Variants in GRM7 observed in about 807,000 individuals in gnomAD.
GRM7 encodes metabotropic glutamate receptor 7.
Under a neutral mutation model 84.5 loss-of-function variants are expected in GRM7, and 35 were observed. That is an observed-to-expected ratio of 0.41 (90% CI 0.32 to 0.55). The LOEUF is 0.55. GRM7 is among the 20% of genes least tolerant of loss of function. The pLI is 0.19. For synonymous variants in GRM7, 487 were observed against 455.1 expected (o/e 1.07, Z -0.89); for missense variants, 1,003 against 1,194.6 (o/e 0.84, Z 2.36).
intron 7 of GRM7, among the ~76,000 whole-genome samples, chr3:7,494,313 G>C (rs1182490716): frequency 6.6e-6 from 1 of 152,112 alleles, no homozygotes; most frequent in Non-Finnish European, 1.5e-5. Flanking sequence ...AGCCTGTGTG[G>C]TTTCAATGAG....
intron 1 of GRM7, among the ~76,000 whole-genome samples, chr3:6,898,915 A>C (rs1043680350): frequency 1.3e-5 from 2 of 152,096 alleles, no homozygotes; most frequent in African/African-American, 4.8e-5. Flanking sequence ...TGGTATTGCC[A>C]CAGTAGAGTA....
At position 7,504,206 on chromosome 3, in the gene GRM7, A is replaced by C. The variant is rs182795949; in HGVS notation, c.1515+42484A>C. On this transcript the variant is annotated intron_variant, in intron 7 of 9. Transcript: ENST00000357716. ...AGGATTTTATTATCACAAGTGACTG[A>C]GAAGAACGAGAATAAGGAGAGACCA... is the stretch of plus-strand genomic sequence containing the variant. 1.4e-4 allele frequency among the ~76,000 whole-genome samples: 22 copies of C among 152,334 alleles called. No homozygotes were observed. The South Asian group carries it at 2.1e-3, about 14-fold the overall frequency.
At chr3:7,386,413 T>C (rs1226997468) in intron 4 of GRM7, among the ~76,000 whole-genome samples, 2 of 152,190 alleles carry the variant, frequency 1.3e-5, no homozygotes, top group East Asian at 1.9e-4. Context: ...TGTTCAACCC[T>C]TGTCCCATTT....
intron 4 of GRM7, among the ~76,000 whole-genome samples, chr3:7,368,845 G>A (rs900918547): frequency 3.3e-5 from 5 of 152,028 alleles, no homozygotes; most frequent in East Asian, 1.9e-4. Context: ...CAAATTTAGC[G>A]CTTAGCACAT....
intron 4 of GRM7, among the ~76,000 whole-genome samples, chr3:7,365,051 T>A (rs1000301424): frequency 5.3e-5 from 8 of 151,908 alleles, no homozygotes; most frequent in Non-Finnish European, 1.2e-4. Flanking sequence ...TACAAATCAG[T>A]GTTAACAGAT....
chr3:7,610,024 A>G (rs909551447), intron 8 of GRM7, among the ~76,000 whole-genome samples: 2 of 152,090 alleles, frequency 1.3e-5, no homozygotes, highest in Middle Eastern at 3.4e-3. Flanking sequence ...GTGCCTTCCT[A>G]TGCTGGATGT....
At chr3:7,634,499 AAAAG>A (rs1381236167) in intron 8 of GRM7, among the ~76,000 whole-genome samples, 3 of 88,948 alleles carry the variant, frequency 3.4e-5, no homozygotes, top group African/African-American at 6.2e-5. Context: ...AAAAAAAAAA[AAAAG>A]GGCTGGGCTC....
At position 7,078,853 on chromosome 3, in the gene GRM7, GT is replaced by G. The variant is rs34321853; in HGVS notation, c.520-67587del. Among the ~76,000 whole-genome samples, 130 of 143,012 alleles carry G rather than the reference GT, an allele frequency of 9.1e-4. 1 individual carries two copies. The highest frequency in any genetic ancestry group is 1.5e-3 in the Admixed American group (22 of 14,400). The allele number at this position is 143,012 out of a possible 152,430, so 93.8% of individuals were successfully genotyped here. A position where few individuals can be genotyped will look rare whatever the true frequency, so the allele number is the denominator to read the frequency against. ...TGAGTCCTTTTGGAACTCTGAGTTT[GT>G]TTTTTTTTTTTCATTTCTTTGCTGT... On this transcript the variant is annotated intron_variant, in intron 1 of 9. Coordinates refer to ENST00000357716, the MANE Select transcript of GRM7 (RefSeq NM_000844.4).
chr3:6,928,110 A>G lies in GRM7; in HGVS notation c.519+66203A>G, dbSNP rs1387982122. Among the ~76,000 whole-genome samples, 1 of 148,488 alleles carries G rather than the reference A, an allele frequency of 6.7e-6. No homozygotes were observed. Among genetic ancestry groups the G allele is most frequent in the East Asian group, 2.0e-4 (1 of 5,096 alleles). On this transcript the variant is annotated intron_variant, in intron 1 of 9. Transcript: ENST00000357716. The surrounding 1 kb of genome is among the most constrained non-coding windows in gnomAD (Gnocchi z 4.5). Reference sequence around the variant, plus strand: ...TGTTTTGCTCCTTTTTTTTTTTTCTACACTGCTGAGGTAGGTATTTTAACA... The same window carrying G: ...TGTTTTGCTCCTTTTTTTTTTTTCTGCACTGCTGAGGTAGGTATTTTAACA...
intron 8 of GRM7, among the ~76,000 whole-genome samples, chr3:7,598,722 A>G (rs1455239167): frequency 6.6e-6 from 1 of 152,164 alleles, no homozygotes; most frequent in Non-Finnish European, 1.5e-5. Context: ...AATGAGGTAC[A>G]CTTCAAAGTG....
At chr3:6,887,371 C>T (rs186276870) in intron 1 of GRM7, among the ~76,000 whole-genome samples, 1 of 151,520 alleles carries the variant, frequency 6.6e-6, no homozygotes, top group East Asian at 1.9e-4. Context: ...CTAATGCTAT[C>T]CCTCCCCCCT....
chr3:6,934,013 C>T (rs190028811), intron 1 of GRM7, among the ~76,000 whole-genome samples: 58 of 152,190 alleles, frequency 3.8e-4, no homozygotes, highest in African/African-American at 9.4e-4. Context: ...AGGAGCTTTC[C>T]GAGCTAAGAC....
chr3:7,200,633 CA>C (rs1476285104), intron 2 of GRM7, among the ~76,000 whole-genome samples: 1 of 152,162 alleles, frequency 6.6e-6, no homozygotes, highest in Non-Finnish European at 1.5e-5. Context: ...CACTCACCCC[CA>C]GAATTGGATT....
intron 6 of GRM7, among the ~76,000 whole-genome samples, chr3:7,456,463 A>T (rs1358909542): frequency 6.7e-6 from 1 of 150,120 alleles, no homozygotes; most frequent in South Asian, 2.1e-4. Flanking sequence ...TTTTTTTTTA[A>T]CAGATAAGGA....
chr3:6,877,324 C>T (rs760582425), intron 1 of GRM7, among the ~76,000 whole-genome samples: 24 of 152,132 alleles, frequency 1.6e-4, no homozygotes, highest in Non-Finnish European at 2.4e-4. Flanking sequence ...GGCACCTTGA[C>T]GCCAGGATAC....
chr3:6,947,973 C>G (rs1698154459), intron 1 of GRM7, among the ~76,000 whole-genome samples: 1 of 152,100 alleles, frequency 6.6e-6, no homozygotes. Flanking sequence ...TGCTAGCAGT[C>G]TATCAATTTT....
At chr3:7,067,604 T>C (rs1299593637) in intron 1 of GRM7, among the ~76,000 whole-genome samples, 1 of 152,074 alleles carries the variant, frequency 6.6e-6, no homozygotes, top group African/African-American at 2.4e-5. Context: ...ATACTCTGGT[T>C]GTTGGCAGGC....
At chr3:7,623,939 A>C (rs1178089819) in intron 8 of GRM7, among the ~76,000 whole-genome samples, 1 of 152,144 alleles carries the variant, frequency 6.6e-6, no homozygotes, top group African/African-American at 2.4e-5. Context: ...GCTCCAGTCA[A>C]GAACCTGGCT....
chr3:7,131,453 A>G (rs1431042945), intron 1 of GRM7, among the ~76,000 whole-genome samples: 1 of 152,050 alleles, frequency 6.6e-6, no homozygotes, highest in African/African-American at 2.4e-5. Context: ...GTGCAGTAAC[A>G]TATGTTATAA....
Sources: allele counts gnomAD v4.1 joint callset (sites outside exome capture counted in the v4.1 genomes callset), GRCh38; gene constraint gnomAD v4.1.1; non-coding constraint Gnocchi (gnomAD v3.1); transcripts MANE v1.5; gene names NCBI Gene and HGNC (gene_info 2026-07-23, HGNC 2026-07-21).